Variants in DTNA observed in about 807,000 individuals in gnomAD.
DTNA encodes dystrophin-related protein 3.
In DTNA, 43 loss-of-function variants were observed where a neutral mutation model predicts 100.7. The ratio of observed to expected loss-of-function variants is 0.43; its 90% CI spans 0.33 to 0.55. The LOEUF (loss-of-function observed/expected upper bound fraction) is 0.55. Among genes scored for constraint, DTNA ranks in the 20% least tolerant of loss-of-function variants. The probability of loss-of-function intolerance (pLI) is 0.04; values close to 1 mark genes in which losing one functional copy is unlikely to be tolerated. For synonymous variants in DTNA, 349 were observed against 347.9 expected, an observed-to-expected ratio of 1.00 and a Z score of -0.04; for missense variants, 798 against 953.9, an observed-to-expected ratio of 0.84 and a Z score of 2.15.
At chr18:34,785,521 A>G (rs1318379492) in intron 3 of DTNA, among the ~76,000 whole-genome samples, 5 of 152,186 alleles carry the variant, frequency 3.3e-5, no homozygotes, top group East Asian at 3.9e-4. Context: ...CTCTTTTCCC[A>G]TGTACATTTT....
Position 34,861,699 on chromosome 18 carries a change from A to G in DTNA, c.1647-2267A>G, listed in dbSNP as rs565649370. 2.0e-5 allele frequency among the ~76,000 whole-genome samples: 3 copies of G among 152,242 alleles called. No individual in the cohort carries two copies. The South Asian group carries it at 6.2e-4, about 32-fold the overall frequency. On this transcript the variant is annotated intron_variant, in intron 16 of 22. Coordinates refer to ENST00000444659, the MANE Select transcript of DTNA (RefSeq NM_001386795.1). ...ATTTGTTATTATACCTACATTTGGA[A>G]AACGCTGGTGGAAACTTAGAGAAGA... is the stretch of plus-strand genomic sequence containing the variant.
Position 34,838,112 on chromosome 18 carries a change from T to A in DTNA, c.1194T>A (p.Ser398Arg), listed in dbSNP as rs748708028. Reference protein sequence around the residue: ...DHGARSPPKDSEVEQNKLLAR... With the variant: ...DHGARSPPKDREVEQNKLLAR... ...TAACTAGCTCTCCTCCCAAGGACAG[T>A]GAAGTAGAGCAGAACAAACTGCTGG... The change falls in exon 12 of 23, where the codon AGT becomes AGA. Residue 398 changes from serine to arginine, a missense_variant. Physicochemically the swap from Ser to Arg is moderately radical, Grantham distance 110 (BLOSUM62 -1). Transcript: ENST00000444659. 6.2e-7 allele frequency: 1 copy of A among 1,613,734 alleles called. No individual in the cohort carries two copies. Among genetic ancestry groups the A allele is most frequent in the Non-Finnish European group, 8.5e-7 (1 of 1,179,832 alleles).
At chr18:34,671,835 G>A (rs2076799411) in intron 1 of DTNA, among the ~76,000 whole-genome samples, 1 of 152,052 alleles carries the variant, frequency 6.6e-6, no homozygotes, top group African/African-American at 2.4e-5. Flanking sequence ...CACTGTATCA[G>A]TCTCTTAGAA....
chr18:34,779,013 G>A lies in DTNA; in HGVS notation c.148+12972G>A, dbSNP rs188392902. ...TTTTTTTTGTATTTTTAATAGAGAC[G>A]GGATTTCACCATGTTAGCGGGAAAG... On this transcript the variant is annotated intron_variant, in intron 3 of 22. Transcript: ENST00000444659. Among the ~76,000 whole-genome samples, 277 of 151,574 alleles carry A rather than the reference G, an allele frequency of 1.8e-3. 1 individual carries two copies. Among genetic ancestry groups the A allele is most frequent in the African/African-American group, 6.2e-3 (254 of 41,170 alleles).
intron 17 of DTNA, among the ~76,000 whole-genome samples, chr18:34,870,329 C>A (rs951349089): frequency 6.6e-6 from 1 of 152,148 alleles, no homozygotes; most frequent in Non-Finnish European, 1.5e-5. Flanking sequence ...CTTCCAAACA[C>A]TTCATGGAAT....
intron 1 of DTNA, among the ~76,000 whole-genome samples, chr18:34,615,010 G>A (rs73412407): frequency 0.018 from 2,760 of 152,174 alleles, 85 homozygotes; most frequent in African/African-American, 0.062. Context: ...TATGTATTAC[G>A]TCATTCTTGC....
chr18:34,867,401 C>A, intron 17 of DTNA: 4 of 1,227,944 alleles, frequency 3.3e-6, no homozygotes, highest in Non-Finnish European at 3.0e-6. Flanking sequence ...AGAAGACAGT[C>A]CCCCTGGGTG....
chr18:34,713,572 C>T (rs2083329017), intron 1 of DTNA, among the ~76,000 whole-genome samples: 1 of 151,568 alleles, frequency 6.6e-6, no homozygotes, highest in Admixed American at 6.6e-5. Flanking sequence ...AGTGTGATGC[C>T]TCCAGCTTTG....
chr18:34,647,148 A>C (rs2059939197), intron 1 of DTNA, among the ~76,000 whole-genome samples: 1 of 149,182 alleles, frequency 6.7e-6, no homozygotes, highest in African/African-American at 2.6e-5. Context: ...AGGATTCAAA[A>C]TGAGAATAAC....
At chr18:34,537,219 C>T (rs2043803258) in intron 1 of DTNA, among the ~76,000 whole-genome samples, 1 of 151,982 alleles carries the variant, frequency 6.6e-6, no homozygotes, top group African/African-American at 2.4e-5. Context: ...TTACATCCTA[C>T]TAAAGTTACT....
chr18:34,867,325 A>G, intron 17 of DTNA: 2 of 1,230,498 alleles, frequency 1.6e-6, no homozygotes, highest in Non-Finnish European at 2.0e-6. Context: ...CAATAAAGAT[A>G]ATGTATTACA....
intron 5 of DTNA, among the ~76,000 whole-genome samples, chr18:34,806,728 G>A (rs2095369867): frequency 6.6e-6 from 1 of 152,070 alleles, no homozygotes. Context: ...AAATCACTGG[G>A]AACTCCAAAG....
At chr18:34,748,138 A>C (rs535387734) in intron 1 of DTNA, among the ~76,000 whole-genome samples, 1 of 152,014 alleles carries the variant, frequency 6.6e-6, no homozygotes, top group Non-Finnish European at 1.5e-5. Flanking sequence ...TTCTTTGCCT[A>C]CTTTTTGATG....
chr18:34,889,765 C>T lies in DTNA; in HGVS notation c.*2031C>T. The T allele has an allele frequency of 1.0e-6, 1 of 986,676 alleles. No individual in the cohort carries two copies. The highest frequency in any genetic ancestry group is 1.7e-5 in the African/African-American group (1 of 57,364). The allele number at this position is 986,676 out of a possible 1,614,324, so 61.1% of individuals were successfully genotyped here. A position where few individuals can be genotyped will look rare whatever the true frequency, so the allele number is the denominator to read the frequency against. On this transcript the variant is annotated 3_prime_UTR_variant, in exon 23 of 23. Coordinates refer to ENST00000444659, the MANE Select transcript of DTNA (RefSeq NM_001386795.1). ...CTTAATCATATATCTCTCCAGAGAA[C>T]TCACCTGACAAATGTCTCTGAGCAC...
At chr18:34,868,872 T>C (rs1056196168) in intron 17 of DTNA, 1 of 736,404 alleles carries the variant, frequency 1.4e-6, no homozygotes, top group African/African-American at 1.9e-5. Flanking sequence ...GAAGGAACCA[T>C]AAAAAGAACA....
At chr18:34,553,465 C>T (rs1427638948) in intron 1 of DTNA, among the ~76,000 whole-genome samples, 1 of 151,348 alleles carries the variant, frequency 6.6e-6, no homozygotes, top group Non-Finnish European at 1.5e-5. Context: ...ATGCCTATGT[C>T]CTGAATGGTA....
intron 1 of DTNA, among the ~76,000 whole-genome samples, chr18:34,655,173 G>A (rs964255664): frequency 6.6e-6 from 1 of 152,170 alleles, no homozygotes; most frequent in African/African-American, 2.4e-5. Flanking sequence ...AGACAGGTAA[G>A]TAAACTGCTA....
intron 1 of DTNA, among the ~76,000 whole-genome samples, chr18:34,507,135 A>T (rs1424489393): frequency 6.6e-6 from 1 of 151,900 alleles, no homozygotes; most frequent in Non-Finnish European, 1.5e-5. Flanking sequence ...TACTCCCCCA[A>T]ATCAATTCTC....
intron 15 of DTNA, among the ~76,000 whole-genome samples, chr18:34,855,651 G>A (rs1376477772): frequency 6.6e-6 from 1 of 152,134 alleles, no homozygotes; most frequent in African/African-American, 2.4e-5. Flanking sequence ...AAACATCAAG[G>A]TCAAAGGGGG....
Sources: allele counts gnomAD v4.1 joint callset (sites outside exome capture counted in the v4.1 genomes callset), GRCh38; gene constraint gnomAD v4.1.1; transcripts MANE v1.5; gene names NCBI Gene and HGNC (gene_info 2026-07-23, HGNC 2026-07-21).